Variants in WNK1 observed in about 807,000 individuals in gnomAD.
The protein encoded by WNK1 is WNK lysine deficient protein kinase 1, also known as serine/threonine-protein kinase WNK1.
WNK1 carries 38 observed loss-of-function variants against 222.8 expected under a neutral mutation model. That is an observed-to-expected ratio of 0.17 (90% CI 0.13 to 0.22). WNK1 has a LOEUF of 0.22. Ranked by LOEUF, WNK1 falls within the 10% of genes least tolerant of loss-of-function variation. The pLI is 1.00. For missense variants in WNK1, 2,348 were observed against 2,918.4 expected (o/e 0.80, Z 4.50); for synonymous variants, 1,090 against 1,092.9 (o/e 1.00, Z 0.05).
intron 1 of WNK1, among the ~76,000 whole-genome samples, chr12:757,235 C>T (rs987892729): frequency 3.4e-5 from 5 of 148,442 alleles, no homozygotes; most frequent in African/African-American, 1.2e-4. Context: ...GTATACAAAT[C>T]AAGCTATTTT....
At chr12:878,038 C>A in intron 9 of WNK1, 174 bp from the exon 10 acceptor site, 1 of 793,982 alleles carries the variant, frequency 1.3e-6, no homozygotes, top group Non-Finnish European at 2.0e-6. Flanking sequence ...TCACAAAGAA[C>A]ATCAGAGGGA....
chr12:885,354 C>T lies in WNK1; in HGVS notation c.4550C>T (p.Thr1517Ile). The T allele has an allele frequency of 2.5e-6, 4 of 1,614,078 alleles. No homozygotes were observed. Among genetic ancestry groups the T allele is most frequent in the Non-Finnish European group, 3.4e-6 (4 of 1,180,028 alleles). The change falls in exon 19 of 28, where the codon ACT (threonine) becomes ATT (isoleucine). Residue 1517 changes from threonine (T) to isoleucine (I), a missense_variant. Coordinates refer to ENST00000315939, the MANE Select transcript of WNK1 (RefSeq NM_018979.4). Reference sequence around the variant, plus strand: ...CTTAGCAGCAGTACTTCTACTCCTACTTTAGCTGAAACCGTGGTAGTTAGC... The same window carrying T: ...CTTAGCAGCAGTACTTCTACTCCTATTTTAGCTGAAACCGTGGTAGTTAGC... ...IQLSSSTSTP[T>I]LAETVVVSAH...
At position 868,391 on chromosome 12, in the gene WNK1, C is replaced by T. The variant is rs1478989689; in HGVS notation, c.2140-2874C>T. The T allele has an allele frequency of 1.5e-5, 25 of 1,613,856 alleles. No individual in the cohort carries two copies. Among genetic ancestry groups the T allele is most frequent in the Admixed American group, 3.3e-5 (2 of 60,004 alleles). ...ACAGATACCTGAACAGAAGCCAGTA[C>T]AAGGGGGCCCTACTTCAAGTTCTGT... is the stretch of plus-strand genomic sequence containing the variant. On this transcript the variant is annotated intron_variant, in intron 8 of 27. Coordinates refer to ENST00000315939, the MANE Select transcript of WNK1 (RefSeq NM_018979.4).
Position 753,981 on chromosome 12 carries a change from C to A in WNK1, c.416C>A (p.Ala139Asp). The stretch of plus-strand genomic sequence containing the variant: ...TCCCAGGTAGCCCAGCAGCCTCCAG[C>A]CGCTGCCGCCCCTGGGGAACAGGCC... ...ATSQVAQQPP[A>D]AAAPGEQAVA... is the part of the protein sequence containing the mutation. Residue 139 changes from alanine to aspartate, a missense_variant, in exon 1 of 28, where the codon GCC (alanine) becomes GAC (aspartate). Physicochemically the swap from Ala to Asp is moderately radical, Grantham distance 126. Coordinates refer to ENST00000315939, the MANE Select transcript of WNK1 (RefSeq NM_018979.4). This position sits in a 1 kb window ranked among gnomAD's most constrained non-coding sequence, Gnocchi z 5.2. The A allele has an allele frequency of 6.3e-7, 1 of 1,593,162 alleles. No homozygotes were observed. The highest frequency in any genetic ancestry group is 8.5e-7 in the Non-Finnish European group (1 of 1,170,638).
intron 1 of WNK1, among the ~76,000 whole-genome samples, chr12:789,573 G>A (rs1352388940): frequency 2.4e-5 from 3 of 122,668 alleles, no homozygotes; most frequent in African/African-American, 6.2e-5. Flanking sequence ...GTCTCGCTCT[G>A]TCACTCAGAC....
At position 753,938 on chromosome 12, in the gene WNK1, G is replaced by A. The variant is rs1290268340; in HGVS notation, c.373G>A (p.Val125Met). ...ACCGGAGCCCCACCGGGAAGAGACC[G>A]TGACCGCCACCGCCACTTCCCAGGT... ...APPEPHREET[V>M]TATATSQVAQ... The change falls in exon 1 of 28, where the codon GTG becomes ATG. Residue 125 changes from valine to methionine, a missense_variant. Physicochemically the swap from Val to Met is conservative, Grantham distance 21. Coordinates refer to ENST00000315939, the MANE Select transcript of WNK1 (RefSeq NM_018979.4). The surrounding 1 kb of genome is among the most constrained non-coding windows in gnomAD (Gnocchi z 5.2). The A allele has an allele frequency of 1.9e-6, 3 of 1,600,434 alleles. No homozygotes were observed. The highest frequency in any genetic ancestry group is 2.6e-6 in the Non-Finnish European group (3 of 1,172,408).
intron 1 of WNK1, among the ~76,000 whole-genome samples, chr12:767,954 CTTTCTACCTAGACATGCTCT>C (rs1175980439): frequency 6.6e-6 from 1 of 152,120 alleles, no homozygotes; most frequent in African/African-American, 2.4e-5. Flanking sequence ...TAGATGGCTC[CTTTCTACCTAGACATGCTCT>C]TTTCTACCTA....
rs775564750 is a variant in WNK1, at chr12:753,693, C to G, written c.128C>G (p.Ala43Gly). 30 of 1,612,066 alleles carry G rather than the reference C, an allele frequency of 1.9e-5. No individual in the cohort carries two copies. The highest frequency in any genetic ancestry group is 2.5e-5 in the Non-Finnish European group (30 of 1,179,822). The change falls in exon 1 of 28, where the codon GCC becomes GGC. Residue 43 changes from alanine (A) to glycine (G), a missense_variant. By Grantham distance (60) the Ala-to-Gly change is moderately conservative. Transcript: ENST00000315939. This position sits in a 1 kb window ranked among gnomAD's most constrained non-coding sequence, Gnocchi z 5.2. ...GTGGGGGAGAAACTGGGAGCCGCGGCCGCCGACGCTGTGACCGGCAGGACC... is the reference window on the plus strand; with the variant it reads ...GTGGGGGAGAAACTGGGAGCCGCGGGCGCCGACGCTGTGACCGGCAGGACC... The part of the protein sequence containing the change: ...SSVGEKLGAA[A>G]ADAVTGRTEE...
chr12:769,979 T>C (rs917402445), intron 1 of WNK1, among the ~76,000 whole-genome samples: 1 of 151,302 alleles, frequency 6.6e-6, no homozygotes. Context: ...TAAGTTTCTT[T>C]TTTTTTTTTT....
Position 827,328 on chromosome 12 carries a change from C to A in WNK1, c.1153+66C>A. 1.4e-6 allele frequency: 2 copies of A among 1,421,216 alleles called. No individual in the cohort carries two copies. The highest frequency in any genetic ancestry group is 2.3e-5 in the East Asian group (1 of 43,980). The allele number at this position is 1,421,216 out of a possible 1,614,324, so 88.0% of individuals were successfully genotyped here. ...ACATTCCTTTTATTTAGAATCCTGG[C>A]TCTGTCAGAGTTTTAAGTGATATAA... On this transcript the variant is annotated intron_variant, in intron 3 of 27. Coordinates refer to ENST00000315939, the MANE Select transcript of WNK1 (RefSeq NM_018979.4). The surrounding 1 kb of genome is among the most constrained non-coding windows in gnomAD (Gnocchi z 4.6).
chr12:902,071 G>T (rs1006218152), intron 26 of WNK1, among the ~76,000 whole-genome samples: 3 of 151,870 alleles, frequency 2.0e-5, no homozygotes, highest in Non-Finnish European at 2.9e-5. Context: ...GCCGAGGCGG[G>T]AAGATTGCTT....
chr12:861,401 G>T lies in WNK1; in HGVS notation c.1951+58G>T, dbSNP rs1951208348. 3 of 1,552,540 alleles carry T rather than the reference G, an allele frequency of 1.9e-6. No individual in the cohort carries two copies. The African/African-American group carries it at 4.1e-5, about 21-fold the overall frequency. On this transcript the variant is annotated intron_variant, in intron 7 of 27. Transcript: ENST00000315939. ...ATGATTCTCCTAATTGGTTTTTTTA[G>T]CTTCTTGTTATTTTGCACTGGCTTT...
chr12:897,450 T>A (rs756153019), intron 24 of WNK1, 29 bp from the exon 25 acceptor site: 2 of 1,376,746 alleles, frequency 1.5e-6, no homozygotes, highest in South Asian at 2.3e-5. Context: ...ATTATGGTAT[T>A]TTGAATTATG....
intron 4 of WNK1, among the ~76,000 whole-genome samples, chr12:855,224 A>C (rs1950692890): frequency 6.6e-6 from 1 of 152,230 alleles, no homozygotes; most frequent in East Asian, 1.9e-4. Context: ...GGAAAAACTT[A>C]GGTGGAGTTG....
intron 8 of WNK1, among the ~76,000 whole-genome samples, chr12:870,817 T>A (rs1425489901): frequency 6.6e-6 from 1 of 152,242 alleles, no homozygotes; most frequent in Non-Finnish European, 1.5e-5. Flanking sequence ...ACAGATTTTT[T>A]GATACTTTTG....
chr12:883,231 G>A (rs1592164093), intron 15 of WNK1, among the ~76,000 whole-genome samples, 164 bp from the exon 16 acceptor site: 1 of 152,208 alleles, frequency 6.6e-6, no homozygotes, highest in Middle Eastern at 3.4e-3. Context: ...TTTTTGTCTA[G>A]GCTATGTCTA....
chr12:784,218 A>G (rs1274863854), intron 1 of WNK1, among the ~76,000 whole-genome samples: 1 of 152,192 alleles, frequency 6.6e-6, no homozygotes, highest in Non-Finnish European at 1.5e-5. Context: ...CAAGACTCCC[A>G]TCTCTAAAGA....
chr12:883,756 C>T lies in WNK1; in HGVS notation c.3664-18C>T. The stretch of plus-strand genomic sequence containing the variant: ...GATTGCATTTGAGAATGTATTTAAT[C>T]ACTTTTGTTTGTTGTAGAAATTGGA... On this transcript the variant is annotated intron_variant, in intron 16 of 27. Transcript: ENST00000315939. 2 of 1,613,874 alleles carry T rather than the reference C, an allele frequency of 1.2e-6. No individual in the cohort carries two copies. Among genetic ancestry groups the T allele is most frequent in the African/African-American group, 2.7e-5 (2 of 75,036 alleles).
rs1592173251 is a variant in WNK1 at position 885,166 on chromosome 12, A to G, written c.4362A>G (p.Ser1454=). 1.2e-6 allele frequency: 2 copies of G among 1,614,156 alleles called. No homozygotes were observed. The highest frequency in any genetic ancestry group is 2.2e-5 in the East Asian group (1 of 44,888). The change falls in exon 19 of 28, where the codon TCA becomes TCG. Residue 1454 remains serine (S), a synonymous_variant. Coordinates refer to ENST00000315939, the MANE Select transcript of WNK1 (RefSeq NM_018979.4). ...CACTGTATCCTTCAGTAACAGTTTC[A>G]GCAACTTCAGCCTCTGCAGGGGGCA... ...STALYPSVTV[S]ATSASAGGST...
Sources: gnomAD v4.1 joint callset for allele counts (sites outside exome capture counted in the v4.1 genomes callset) on GRCh38, gnomAD v4.1.1 for gene constraint, Gnocchi (gnomAD v3.1) non-coding constraint, MANE v1.5 for transcripts, NCBI Gene and HGNC (gene_info 2026-07-23, HGNC 2026-07-21) for gene names.